Variants in RBM39 observed in about 807,000 individuals in gnomAD.
RBM39 encodes the protein RNA binding motif protein 39, also known as RNA-binding protein 39.
Under a neutral mutation model 79.6 loss-of-function variants are expected in RBM39, and 12 were observed. The ratio of observed to expected loss-of-function variants is 0.15; its 90% CI spans 0.10 to 0.24. The LOEUF is 0.24. RBM39 is among the 10% of genes least tolerant of loss of function. The pLI is 1.00. For missense variants in RBM39, 243 were observed against 653.4 expected, an observed-to-expected ratio of 0.37 and a Z score of 6.85; for synonymous variants, 185 against 208.4, an observed-to-expected ratio of 0.89 and a Z score of 0.97.
chr20:35,736,468 C>A, intron 3 of RBM39: 1 of 391,452 alleles, frequency 2.6e-6, no homozygotes, highest in East Asian at 7.8e-5. Flanking sequence ...CCCTGAATAA[C>A]ATTATATATT....
At chr20:35,731,814 T>TA (rs748380376) in intron 4 of RBM39, 127 bp downstream of exon 4, 2 of 928,134 alleles carry the variant, frequency 2.2e-6, no homozygotes, top group Non-Finnish European at 3.3e-6. Context: ...CCAATATCCT[T>TA]AATTCAATAC....
At chr20:35,732,803 A>ATT (rs1244433309) in intron 3 of RBM39, 1 of 152,276 alleles carries the variant, frequency 6.6e-6, no homozygotes, top group Non-Finnish European at 1.5e-5. Context: ...CACAAAATAA[A>ATT]TTAATAAAAC....
chr20:35,723,383 G>T (rs571655789), intron 8 of RBM39, among the ~76,000 whole-genome samples: 1 of 152,060 alleles, frequency 6.6e-6, no homozygotes, highest in Non-Finnish European at 1.5e-5. Context: ...CCTGGGTCCC[G>T]CCAATGCACA....
chr20:35,722,457 GCTTTTTTTTT>G (rs1195102939), intron 8 of RBM39, among the ~76,000 whole-genome samples: 2 of 131,240 alleles, frequency 1.5e-5, no homozygotes, highest in African/African-American at 6.1e-5. Context: ...TTATTTAGAG[GCTTTTTTTTT>G]TTTTTTTTTG....
At chr20:35,734,045 G>C in intron 3 of RBM39, 1 of 269,630 alleles carries the variant, frequency 3.7e-6, no homozygotes, top group Non-Finnish European at 7.5e-6. Context: ...TGACAATTCT[G>C]TATCATTATC....
chr20:35,718,366 G>C (rs1179431570), intron 9 of RBM39, among the ~76,000 whole-genome samples: 2 of 151,952 alleles, frequency 1.3e-5, no homozygotes, highest in African/African-American at 4.8e-5. Context: ...GATATTCTAG[G>C]AGCATTAGCT....
intron 13 of RBM39, chr20:35,707,844 T>TG: frequency 2.2e-6 from 1 of 455,564 alleles, no homozygotes; most frequent in Middle Eastern, 3.3e-4. Context: ...CAAAACATAC[T>TG]GGGGTTTGAA....
chr20:35,737,058 A>G (rs1235269683), intron 3 of RBM39, among the ~76,000 whole-genome samples: 1 of 150,526 alleles, frequency 6.6e-6, no homozygotes, highest in African/African-American at 2.4e-5. Flanking sequence ...AGAGATGGAG[A>G]CCATCCTGGC....
At position 35,706,110 on chromosome 20, in the gene RBM39, G is replaced by A. The variant is rs557089175; in HGVS notation, c.1308-780C>T. On this transcript the variant is annotated intron_variant, in intron 14 of 16. Coordinates refer to ENST00000253363, the MANE Select transcript of RBM39 (RefSeq NM_184234.3). ...TCCCAGCACTTTCGGATGCTGAAGC[G>A]AGCAGATCACTTAAGGTCAGGAGTT... Among the ~76,000 whole-genome samples, 10 of 152,258 alleles carry A rather than the reference G, an allele frequency of 6.6e-5. No individual in the cohort carries two copies. In the East Asian group the frequency reaches 1.2e-3, roughly 18 times the overall value.
At position 35,741,030 on chromosome 20, in the gene RBM39, C is replaced by CTTTTTCTT. The variant is rs1217050292; in HGVS notation, c.-13-144_-13-143insAAGAAAAA. 3.1e-4 allele frequency: 40 copies of CTTTTTCTT among 127,296 alleles called. 2 individuals are homozygous for CTTTTTCTT. Among genetic ancestry groups the CTTTTTCTT allele is most frequent in the African/African-American group, 1.9e-3 (36 of 19,366 alleles). The allele number at this position is 127,296 out of a possible 1,614,324, so 7.9% of individuals were successfully genotyped here. A position where few individuals can be genotyped will look rare whatever the true frequency, so the allele number is the denominator to read the frequency against. The stretch of plus-strand genomic sequence containing the variant: ...GACGATTCCGTGAGTAAACATTTTT[C>CTTTTTCTT]TTTTTTTTTTTTTTTTTTTTTGAGA... On this transcript the variant is annotated intron_variant, in intron 1 of 16. Transcript: ENST00000253363.
intron 2 of RBM39, 93 bp downstream of exon 2, chr20:35,740,731 G>T: frequency 7.3e-7 from 1 of 1,370,706 alleles, no homozygotes; most frequent in Non-Finnish European, 1.0e-6. Flanking sequence ...AATCAAGAGG[G>T]CTCCGGGGAG....
At chr20:35,733,458 A>T (rs1441061089) in intron 3 of RBM39, among the ~76,000 whole-genome samples, 1 of 152,014 alleles carries the variant, frequency 6.6e-6, no homozygotes, top group Non-Finnish European at 1.5e-5. Flanking sequence ...AAAATGCAAG[A>T]AGTAGTGGGT....
At chr20:35,719,394 C>T (rs1248875718) in intron 9 of RBM39, among the ~76,000 whole-genome samples, 1 of 152,136 alleles carries the variant, frequency 6.6e-6, no homozygotes, top group Non-Finnish European at 1.5e-5. Flanking sequence ...GCAACAAGAC[C>T]ATATGGCACT....
chr20:35,722,642 T>C (rs1051357401), intron 8 of RBM39, among the ~76,000 whole-genome samples: 6 of 151,648 alleles, frequency 4.0e-5, no homozygotes, highest in East Asian at 1.9e-4. Context: ...ACATATAAAG[T>C]AAGCAGGCTG....
At chr20:35,727,656 T>TG (rs2038897744) in intron 6 of RBM39, among the ~76,000 whole-genome samples, 1 of 150,784 alleles carries the variant, frequency 6.6e-6, no homozygotes, top group Non-Finnish European at 1.5e-5. Context: ...TTGTATTTTT[T>TG]TTTTTTTTTT....
intron 1 of RBM39, 68 bp from the exon 2 acceptor site, chr20:35,740,955 TG>T: frequency 8.7e-6 from 10 of 1,153,870 alleles, no homozygotes; most frequent in Non-Finnish European, 1.3e-5. Flanking sequence ...GTTTCACTCT[TG>T]TTGCCTATAT....
At chr20:35,727,679 C>T (rs1282344837) in intron 6 of RBM39, among the ~76,000 whole-genome samples, 10 of 138,166 alleles carry the variant, frequency 7.2e-5, no homozygotes, top group Non-Finnish European at 1.2e-4. Context: ...GACAGAGTTT[C>T]GCTCTTGTTG....
chr20:35,738,915 TA>T, intron 3 of RBM39, 52 bp downstream of exon 3: 1 of 1,507,994 alleles, frequency 6.6e-7, no homozygotes, highest in Non-Finnish European at 9.2e-7. Context: ...ACTTAAGGTC[TA>T]AAACCACAAA....
At position 35,731,957 on chromosome 20, in the gene RBM39, G is replaced by A. The variant is rs747754507; in HGVS notation, c.280C>T (p.Arg94Cys). 2.5e-6 allele frequency: 4 copies of A among 1,613,748 alleles called. No individual in the cohort carries two copies. The highest frequency in any genetic ancestry group is 3.4e-6 in the Non-Finnish European group (4 of 1,180,014). The change falls in exon 4 of 17, where the codon CGC (arginine) becomes TGC (cysteine). Residue 94 changes from arginine (R) to cysteine (C), a missense_variant. By Grantham distance (180) the Arg-to-Cys change is radical. Coordinates refer to ENST00000253363, the MANE Select transcript of RBM39 (RefSeq NM_184234.3). ...SRSRDRRFRG[R>C]YRSPYSGPKF... ...GTTACATACTAAGGACTTCTGTAGC[G>A]GCCTCTAAATCTTCGATCTCGACTT...
Sources: allele counts gnomAD v4.1 joint callset (sites outside exome capture counted in the v4.1 genomes callset), GRCh38; gene constraint gnomAD v4.1.1; transcripts MANE v1.5; gene names NCBI Gene and HGNC (gene_info 2026-07-23, HGNC 2026-07-21).